The following CD2AP variants were observed in gnomAD, a reference collection of about 807,000 sequenced individuals.
The protein encoded by CD2AP is CD2-associated protein.
Under a neutral mutation model 85.1 loss-of-function variants are expected in CD2AP, and 46 were observed. That is an observed-to-expected ratio of 0.54 (90% CI 0.43 to 0.69). CD2AP has a LOEUF of 0.69. CD2AP is among the 30% of genes least tolerant of loss of function. CD2AP has a pLI of 0.00. For missense variants in CD2AP, 769 were observed against 729.5 expected (o/e 1.05, Z -0.62); for synonymous variants, 255 against 252.9 (o/e 1.01, Z -0.08).
chr6:47,612,935 CTTTATCAACTAAG>C (rs1015437477), intron 17 of CD2AP, among the ~76,000 whole-genome samples: 29 of 152,124 alleles, frequency 1.9e-4, no homozygotes, highest in Non-Finnish European at 2.1e-4. Flanking sequence ...CCTGCCTCTG[CTTTATCAACTAAG>C]TTTATATTTT....
chr6:47,574,268 T>A lies in CD2AP; in HGVS notation c.729+17T>A. The A allele has an allele frequency of 6.2e-7, 1 of 1,604,000 alleles. No individual in the cohort carries two copies. Among genetic ancestry groups the A allele is most frequent in the South Asian group, 1.1e-5 (1 of 90,764 alleles). Reference sequence around the variant, plus strand: ...CCAGAAAAGGTGGTAATGATGGACTTGTTAGATTAACTCCACTCATTCTCT... The same window carrying A: ...CCAGAAAAGGTGGTAATGATGGACTAGTTAGATTAACTCCACTCATTCTCT... On this transcript the variant is annotated intron_variant, in intron 6 of 17. Transcript: ENST00000359314.
chr6:47,605,061 A>AT (rs1225958289), intron 13 of CD2AP, among the ~76,000 whole-genome samples: 47 of 152,028 alleles, frequency 3.1e-4, no homozygotes, highest in Non-Finnish European at 1.2e-4. Context: ...GAGTATCTTT[A>AT]GATCTTTTTA....
chr6:47,532,374 TATACAC>T (rs1334554958), intron 2 of CD2AP, among the ~76,000 whole-genome samples: 2 of 118,668 alleles, frequency 1.7e-5, no homozygotes, highest in Admixed American at 9.2e-5. Context: ...TATATATATG[TATACAC>T]ACACACACAC....
intron 4 of CD2AP, among the ~76,000 whole-genome samples, chr6:47,545,990 A>G (rs1232045602): frequency 6.6e-6 from 1 of 152,196 alleles, no homozygotes. Context: ...CCAGCAAGGT[A>G]TCCAAACCAA....
chr6:47,546,456 C>G (rs1290785158), intron 4 of CD2AP, among the ~76,000 whole-genome samples: 1 of 152,080 alleles, frequency 6.6e-6, no homozygotes, highest in Non-Finnish European at 1.5e-5. Flanking sequence ...ACTTACCCAG[C>G]CTTGCTACAG....
At chr6:47,562,756 C>T (rs1767895048) in intron 5 of CD2AP, 2 of 895,096 alleles carry the variant, frequency 2.2e-6, no homozygotes, top group Admixed American at 1.7e-5. Flanking sequence ...AGACAAGTGG[C>T]AAGCTCATGT....
At chr6:47,527,132 G>C (rs935691943) in intron 2 of CD2AP, among the ~76,000 whole-genome samples, 1 of 151,510 alleles carries the variant, frequency 6.6e-6, no homozygotes, top group African/African-American at 2.4e-5. Flanking sequence ...AATATTCATT[G>C]TTCTTTTAAA....
At chr6:47,495,824 G>A (rs1765844941) in intron 1 of CD2AP, among the ~76,000 whole-genome samples, 1 of 152,058 alleles carries the variant, frequency 6.6e-6, no homozygotes, top group Admixed American at 6.5e-5. Context: ...ACAATTTTTG[G>A]CGTTTTTATG....
intron 4 of CD2AP, among the ~76,000 whole-genome samples, chr6:47,551,489 T>C (rs185606844): frequency 6.8e-4 from 104 of 152,344 alleles, no homozygotes; most frequent in African/African-American, 2.4e-3. Flanking sequence ...AGCATTGTGC[T>C]GAGAGTTTCA....
At chr6:47,510,279 T>C (rs1766278210) in intron 2 of CD2AP, among the ~76,000 whole-genome samples, 1 of 152,338 alleles carries the variant, frequency 6.6e-6, no homozygotes, top group African/African-American at 2.4e-5. Context: ...AATATATGTA[T>C]TCCTCAGCTC....
chr6:47,498,401 C>T (rs940785123), intron 1 of CD2AP, among the ~76,000 whole-genome samples: 6 of 152,060 alleles, frequency 3.9e-5, no homozygotes, highest in South Asian at 2.1e-4. Context: ...GAAATTGCAC[C>T]GAATATGAAT....
At chr6:47,527,886 A>T in intron 2 of CD2AP, among the ~76,000 whole-genome samples, 1 of 152,166 alleles carries the variant, frequency 6.6e-6, no homozygotes, top group Non-Finnish European at 1.5e-5. Context: ...TCACTAGTAA[A>T]AATCAAGTCG....
intron 2 of CD2AP, among the ~76,000 whole-genome samples, chr6:47,517,442 C>T (rs1304258162): frequency 5.3e-5 from 8 of 152,078 alleles, no homozygotes; most frequent in African/African-American, 1.9e-4. Context: ...TGTGTGCCAC[C>T]ATGCCTGGCT....
intron 1 of CD2AP, among the ~76,000 whole-genome samples, chr6:47,478,476 C>T (rs562561678): frequency 2.0e-5 from 3 of 152,002 alleles, no homozygotes; most frequent in Admixed American, 6.6e-5. Flanking sequence ...CTCCCTTCTC[C>T]GCCTCTTTTC....
chr6:47,621,994 C>T (rs1033526839), intron 17 of CD2AP, among the ~76,000 whole-genome samples: 1 of 152,194 alleles, frequency 6.6e-6, no homozygotes, highest in East Asian at 1.9e-4. Context: ...TCTGAGCTCA[C>T]GCTCTTCTTG....
intron 1 of CD2AP, among the ~76,000 whole-genome samples, chr6:47,500,579 A>G (rs1162628718): frequency 6.6e-6 from 1 of 152,220 alleles, no homozygotes; most frequent in Admixed American, 6.5e-5. Flanking sequence ...AAGGTGGTTA[A>G]TCTAGCAGTT....
Position 47,579,369 on chromosome 6 carries a change from C to A in CD2AP, c.904-16C>A. Reference sequence around the variant, plus strand: ...AAAAAGGTCTATTGTCTTAATTATTCTATTTTGCTTTTTAGGAGACTGGAG... The same window carrying A: ...AAAAAGGTCTATTGTCTTAATTATTATATTTTGCTTTTTAGGAGACTGGAG... On this transcript the variant is annotated splice_polypyrimidine_tract_variant and intron_variant, in intron 8 of 17. Coordinates refer to ENST00000359314, the MANE Select transcript of CD2AP (RefSeq NM_012120.3). 1.4e-5 allele frequency: 16 copies of A among 1,171,338 alleles called. No individual in the cohort carries two copies. The highest frequency in any genetic ancestry group is 2.4e-5 in the East Asian group (1 of 40,930). The allele number at this position is 1,171,338 out of a possible 1,614,324, so 72.6% of individuals were successfully genotyped here.
intron 17 of CD2AP, among the ~76,000 whole-genome samples, chr6:47,622,369 G>A (rs1769771853): frequency 6.6e-6 from 1 of 152,252 alleles, no homozygotes; most frequent in Admixed American, 6.5e-5. Context: ...CTCTCGCCCC[G>A]TTCAAATTGT....
intron 1 of CD2AP, among the ~76,000 whole-genome samples, chr6:47,484,127 CT>C (rs907913741): frequency 3.3e-5 from 5 of 152,054 alleles, no homozygotes; most frequent in African/African-American, 9.7e-5. Flanking sequence ...CTCCTCCCAG[CT>C]TTTGTTTATT....
Sources: gnomAD v4.1 joint callset for allele counts (sites outside exome capture counted in the v4.1 genomes callset) on GRCh38, gnomAD v4.1.1 for gene constraint, MANE v1.5 for transcripts, NCBI Gene and HGNC (gene_info 2026-07-23, HGNC 2026-07-21) for gene names.